Variants in SPATA31H1 observed in about 807,000 individuals in gnomAD.
The protein encoded by SPATA31H1 is SPATA31 subfamily H member 1.
At chr2:27,542,369 C>T in the SPATA31H1 span, among the ~76,000 whole-genome samples, 1 of 151,950 alleles carries the variant, frequency 6.6e-6, no homozygotes, top group East Asian at 1.9e-4. Flanking sequence ...TGTACTCCAG[C>T]CTGGGTGACA....
the SPATA31H1 span, chr2:27,582,541 C>T: frequency 1.2e-5 from 19 of 1,568,724 alleles, no homozygotes; most frequent in Admixed American, 1.9e-5. Context: ...GAGGTCCGCC[C>T]CTATTATTCA....
At chr2:27,555,106 G>A in the SPATA31H1 span, among the ~76,000 whole-genome samples, 2 of 151,832 alleles carry the variant, frequency 1.3e-5, no homozygotes, top group East Asian at 3.9e-4. Flanking sequence ...AATTATTGTA[G>A]GATTATGTCA....
At chr2:27,567,271 G>A in the SPATA31H1 span, 1 of 604,274 alleles carries the variant, frequency 1.7e-6, no homozygotes, top group African/African-American at 1.9e-5. Context: ...CCTTCAGTTA[G>A]AAGGGAGCTA....
the SPATA31H1 span, among the ~76,000 whole-genome samples, chr2:27,543,702 A>T: frequency 6.6e-6 from 1 of 151,866 alleles, no homozygotes; most frequent in African/African-American, 2.4e-5. Context: ...ATCTGAAGGC[A>T]AAAAGTGTGT....
chr2:27,548,015 T>C, the SPATA31H1 span, among the ~76,000 whole-genome samples: 1 of 138,902 alleles, frequency 7.2e-6, no homozygotes, highest in Non-Finnish European at 1.5e-5. Flanking sequence ...AGAGTCTTGC[T>C]CTGTCACCCA....
At chr2:27,576,926 C>G in the SPATA31H1 span, 1 of 1,614,052 alleles carries the variant, frequency 6.2e-7, no homozygotes. Flanking sequence ...TCATGGAATC[C>G]TCTGAACTAA....
the SPATA31H1 span, among the ~76,000 whole-genome samples, chr2:27,562,641 C>T: frequency 6.6e-6 from 1 of 151,036 alleles, no homozygotes; most frequent in Non-Finnish European, 1.5e-5. Context: ...AATCCTAGCA[C>T]TTTGGGAGGC....
At chr2:27,555,385 C>CT in the SPATA31H1 span, among the ~76,000 whole-genome samples, 1 of 151,848 alleles carries the variant, frequency 6.6e-6, no homozygotes, top group Admixed American at 6.6e-5. Context: ...GTATAAAAGT[C>CT]TAAGAGCCAT....
chr2:27,564,880 A>T, the SPATA31H1 span, among the ~76,000 whole-genome samples: 1 of 152,222 alleles, frequency 6.6e-6, no homozygotes, highest in Non-Finnish European at 1.5e-5. Context: ...CACTTTGAAA[A>T]AAATCCCAGA....
chr2:27,565,491 G>T, the SPATA31H1 span: 3 of 696,354 alleles, frequency 4.3e-6, no homozygotes, highest in South Asian at 4.7e-5. Context: ...TTGAAAAAGA[G>T]GATGTAAATG....
the SPATA31H1 span, chr2:27,567,109 A>G: frequency 5.7e-6 from 4 of 705,978 alleles, no homozygotes; most frequent in Non-Finnish European, 1.0e-5. Flanking sequence ...TCTTTTATCA[A>G]CTCTATTTCT....
chr2:27,582,369 C>CG, the SPATA31H1 span: 2 of 1,614,192 alleles, frequency 1.2e-6, no homozygotes, highest in Non-Finnish European at 1.7e-6. Flanking sequence ...TGAGAGGAGC[C>CG]GACGCAGTCC....
At chr2:27,566,875 C>T in the SPATA31H1 span, 23 of 717,490 alleles carry the variant, frequency 3.2e-5, no homozygotes, top group South Asian at 3.4e-4. Flanking sequence ...CACAGCATCT[C>T]CTTTAGTTCA....
the SPATA31H1 span, among the ~76,000 whole-genome samples, chr2:27,543,502 T>C: frequency 1.3e-5 from 2 of 149,558 alleles, no homozygotes; most frequent in Non-Finnish European, 3.0e-5. Flanking sequence ...TTTTTTTGTC[T>C]ATATCAAATA....
At chr2:27,556,836 A>G in the SPATA31H1 span, among the ~76,000 whole-genome samples, 5 of 114,920 alleles carry the variant, frequency 4.4e-5, no homozygotes, top group Admixed American at 4.7e-4. Flanking sequence ...TGGTTTTCCT[A>G]GGCAGAGGAC....
chr2:27,582,086 T>C, the SPATA31H1 span: 1 of 1,611,338 alleles, frequency 6.2e-7, no homozygotes, highest in East Asian at 2.2e-5. Context: ...AGAGGAGCCA[T>C]CGTAGGATTT....
At chr2:27,544,847 C>T in the SPATA31H1 span, among the ~76,000 whole-genome samples, 59 of 151,584 alleles carry the variant, frequency 3.9e-4, 1 homozygote, top group African/African-American at 1.3e-3. Flanking sequence ...TTCATCCGGC[C>T]GACAACAACA....
chr2:27,569,754 A>G, the SPATA31H1 span: 3 of 398,788 alleles, frequency 7.5e-6, no homozygotes, highest in Non-Finnish European at 4.4e-6. Context: ...TTTGACTAAG[A>G]GGGAAGAGCT....
the SPATA31H1 span, chr2:27,578,031 G>C: frequency 6.2e-7 from 1 of 1,614,136 alleles, no homozygotes. Flanking sequence ...TCAAGTCACA[G>C]AATCTGCAAG....
Sources: allele counts gnomAD v4.1 joint callset (sites outside exome capture counted in the v4.1 genomes callset), GRCh38; gene constraint gnomAD v4.1.1; transcripts MANE v1.5; gene names NCBI Gene and HGNC (gene_info 2026-07-23, HGNC 2026-07-21).